Variants in DIAPH3 observed in about 807,000 individuals in gnomAD.
The protein encoded by DIAPH3 is protein diaphanous homolog 3.
Under a neutral mutation model 144.3 loss-of-function variants are expected in DIAPH3, and 117 were observed. The observed-to-expected ratio is 0.81, with a 90% CI of 0.70 to 0.95. The LOEUF (loss-of-function observed/expected upper bound fraction) is 0.95, where lower values mean the gene tolerates loss of function less well. DIAPH3 is among the 40% of genes least tolerant of loss of function. The pLI, the probability that DIAPH3 is intolerant of heterozygous loss-of-function variation, is 0.00. For synonymous variants in DIAPH3, 519 were observed against 488.9 expected (o/e 1.06, Z -0.81); for missense variants, 1,421 against 1,412.7 (o/e 1.01, Z -0.09).
intron 4 of DIAPH3, among the ~76,000 whole-genome samples, chr13:60,093,265 T>C (rs894255911): frequency 1.3e-5 from 2 of 152,222 alleles, no homozygotes; most frequent in Admixed American, 6.5e-5. Context: ...ATTATGTACC[T>C]TGATGTAGAC....
At chr13:59,692,054 G>A (rs926266733) in intron 27 of DIAPH3, among the ~76,000 whole-genome samples, 1 of 141,640 alleles carries the variant, frequency 7.1e-6, no homozygotes, top group Non-Finnish European at 1.5e-5. Context: ...AGTATTCTCT[G>A]TTCTATGGTT....
In DIAPH3 at chr13:59,967,327, G is replaced by A. The variant is rs184159114; in HGVS notation, c.2074+2617C>T. 1.4e-3 allele frequency among the ~76,000 whole-genome samples: 205 copies of A among 151,782 alleles called. 1 individual carries two copies. The highest frequency in any genetic ancestry group is 4.8e-3 in the African/African-American group (197 of 41,388). ...TGGCCTCAAGTGATCAACCCACCTCGACCTCCCAAAATGCTGAGATTACAG... is the reference window on the plus strand; with the variant it reads ...TGGCCTCAAGTGATCAACCCACCTCAACCTCCCAAAATGCTGAGATTACAG... On this transcript the variant is annotated intron_variant, in intron 17 of 27. Transcript: ENST00000400324.
chr13:59,861,240 A>G (rs1593720277), intron 22 of DIAPH3, 167 bp downstream of exon 22: 3 of 1,514,270 alleles, frequency 2.0e-6, no homozygotes, highest in Admixed American at 2.2e-5. Context: ...CATAGCTCCA[A>G]TCATGACAAC....
intron 1 of DIAPH3, among the ~76,000 whole-genome samples, chr13:60,138,775 A>G (rs2059355145): frequency 8.1e-6 from 1 of 123,396 alleles, no homozygotes; most frequent in Non-Finnish European, 1.7e-5. Context: ...GAGAAGGAGA[A>G]GGAGAAGAAG....
At chr13:59,733,321 A>G (rs1211263419) in intron 27 of DIAPH3, among the ~76,000 whole-genome samples, 1 of 152,202 alleles carries the variant, frequency 6.6e-6, no homozygotes, top group Non-Finnish European at 1.5e-5. Context: ...CTTTTCCTCA[A>G]AACAAATAAC....
chr13:59,954,874 T>C (rs2049301875), intron 17 of DIAPH3, among the ~76,000 whole-genome samples: 1 of 152,076 alleles, frequency 6.6e-6, no homozygotes, highest in South Asian at 2.1e-4. Flanking sequence ...AAGGGGATGG[T>C]GCTGAACCAT....
At chr13:60,052,760 A>G (rs2056397296) in intron 4 of DIAPH3, among the ~76,000 whole-genome samples, 1 of 151,948 alleles carries the variant, frequency 6.6e-6, no homozygotes, top group South Asian at 2.1e-4. Context: ...CAGGAGTTCA[A>G]GACCAGCCTG....
chr13:60,146,822 G>A (rs1213238933), intron 1 of DIAPH3, among the ~76,000 whole-genome samples: 1 of 152,198 alleles, frequency 6.6e-6, no homozygotes, highest in Non-Finnish European at 1.5e-5. Context: ...AACAAGGTTT[G>A]CAGGAAGTCA....
Position 60,044,569 on chromosome 13 carries a change from C to T in DIAPH3, c.496-1749G>A, listed in dbSNP as rs534309415. ...GATGTCTCTTTTTGCTCTGAATTAC[C>T]AAAGGACTGATTGTTCAACAGAGAA... On this transcript the variant is annotated intron_variant, in intron 4 of 27. Coordinates refer to ENST00000400324, the MANE Select transcript of DIAPH3 (RefSeq NM_001042517.2). 1.3e-3 allele frequency among the ~76,000 whole-genome samples: 205 copies of T among 152,116 alleles called. 1 individual carries two copies. Among genetic ancestry groups the T allele is most frequent in the African/African-American group, 4.3e-3 (177 of 41,502 alleles).
intron 21 of DIAPH3, among the ~76,000 whole-genome samples, chr13:59,864,095 G>T (rs2043769375): frequency 6.6e-6 from 1 of 152,050 alleles, no homozygotes; most frequent in Admixed American, 6.6e-5. Flanking sequence ...TCTCATTTCA[G>T]AGTTATTTCT....
intron 27 of DIAPH3, among the ~76,000 whole-genome samples, chr13:59,667,432 T>C (rs1208824235): frequency 6.6e-6 from 1 of 152,220 alleles, no homozygotes; most frequent in Non-Finnish European, 1.5e-5. Flanking sequence ...AAATAAATAA[T>C]TTCCACACTC....
chr13:60,018,167 T>C (rs1045565924), intron 5 of DIAPH3, among the ~76,000 whole-genome samples: 3 of 152,178 alleles, frequency 2.0e-5, no homozygotes, highest in Admixed American at 6.5e-5. Flanking sequence ...TTTTCAACAA[T>C]ATCCATATTC....
chr13:60,083,348 A>C (rs1213122579), intron 4 of DIAPH3, among the ~76,000 whole-genome samples: 1 of 152,104 alleles, frequency 6.6e-6, no homozygotes, highest in African/African-American at 2.4e-5. Context: ...CTGGCTAACC[A>C]AACAGTATTT....
intron 23 of DIAPH3, chr13:59,839,092 C>A: frequency 2.5e-6 from 1 of 394,478 alleles, no homozygotes; most frequent in Non-Finnish European, 4.6e-6. Context: ...GCCTGGGTTT[C>A]AAAAAATAAA....
At chr13:59,717,508 T>A (rs1192915808) in intron 27 of DIAPH3, among the ~76,000 whole-genome samples, 1 of 152,180 alleles carries the variant, frequency 6.6e-6, no homozygotes, top group African/African-American at 2.4e-5. Context: ...CCAAGGCCAG[T>A]GTGTACAGTC....
intron 17 of DIAPH3, among the ~76,000 whole-genome samples, chr13:59,939,569 G>A (rs1358468988): frequency 6.6e-6 from 1 of 152,072 alleles, no homozygotes; most frequent in Non-Finnish European, 1.5e-5. Flanking sequence ...GGTGGCACAT[G>A]GATAATGTAT....
At chr13:59,688,679 G>C (rs183883036) in intron 27 of DIAPH3, among the ~76,000 whole-genome samples, 1 of 152,136 alleles carries the variant, frequency 6.6e-6, no homozygotes, top group East Asian at 1.9e-4. Context: ...GGTCCACCTA[G>C]AGATAGTTTA....
chr13:59,750,673 A>G (rs1262928700), intron 27 of DIAPH3, among the ~76,000 whole-genome samples: 3 of 152,186 alleles, frequency 2.0e-5, no homozygotes, highest in African/African-American at 4.8e-5. Flanking sequence ...GTGAATTACA[A>G]TTGGTTGGTT....
At chr13:59,700,870 G>A (rs765485242) in intron 27 of DIAPH3, among the ~76,000 whole-genome samples, 8 of 151,912 alleles carry the variant, frequency 5.3e-5, no homozygotes, top group Non-Finnish European at 1.2e-4. Flanking sequence ...TCTGGCATTC[G>A]GTAATTTATC....
Sources: gnomAD v4.1 joint callset for allele counts (sites outside exome capture counted in the v4.1 genomes callset) on GRCh38, gnomAD v4.1.1 for gene constraint, MANE v1.5 for transcripts, NCBI Gene and HGNC (gene_info 2026-07-23, HGNC 2026-07-21) for gene names.